RIMS3: variants seen among roughly 807,000 people sequenced by gnomAD.
The protein encoded by RIMS3 is regulating synaptic membrane exocytosis protein 3.
Under a neutral mutation model 29.2 loss-of-function variants are expected in RIMS3, and 15 were observed. The ratio of observed to expected loss-of-function variants is 0.51; its 90% CI spans 0.34 to 0.79. RIMS3 has a LOEUF of 0.79. RIMS3 is among the 30% of genes least tolerant of loss of function. RIMS3 has a pLI of 0.01. For synonymous variants in RIMS3, 161 were observed against 170.1 expected, an observed-to-expected ratio of 0.95 and a Z score of 0.41; for missense variants, 342 against 421.4, an observed-to-expected ratio of 0.81 and a Z score of 1.65.
rs1302496985 is a variant in RIMS3, at chr1:40,620,963, G to GA, written c.*5553dup. ...TCTCTCTCTTTGCAGGATGCATTTG[G>GA]AAAGTCTAAAAAAAGGGGTTCTTGC... On this transcript the variant is annotated 3_prime_UTR_variant, in exon 8 of 8. Transcript: ENST00000372684. The GA allele has an allele frequency of 6.6e-6, 1 of 152,584 alleles. No homozygotes were observed. The highest frequency in any genetic ancestry group is 1.5e-5 in the Non-Finnish European group (1 of 68,038). The allele number at this position is 152,584 out of a possible 1,614,324, so 9.5% of individuals were successfully genotyped here. A position where few individuals can be genotyped will look rare whatever the true frequency, so the allele number is the denominator to read the frequency against.
chr1:40,629,510 C>G (rs892826950), intron 5 of RIMS3, 138 bp from the exon 6 acceptor site: 2 of 714,828 alleles, frequency 2.8e-6, no homozygotes, highest in Non-Finnish European at 5.0e-6. Context: ...CCACATGGGC[C>G]AAAACTGCTC....
At chr1:40,682,515 G>A in the RIMS3 span, among the ~76,000 whole-genome samples, 2 of 151,526 alleles carry the variant, frequency 1.3e-5, no homozygotes, top group Non-Finnish European at 2.9e-5. Flanking sequence ...TTGAGTTCTC[G>A]CTCCCCATGT....
intron 5 of RIMS3, among the ~76,000 whole-genome samples, chr1:40,632,387 C>T (rs1395821123): frequency 4.3e-5 from 6 of 140,710 alleles, no homozygotes; most frequent in African/African-American, 1.0e-4. Flanking sequence ...CTAGGATATA[C>T]GGTTTTCCAT....
Position 40,626,636 on chromosome 1 carries a change from C to T in RIMS3, c.808G>A (p.Val270Ile). The change falls in exon 8 of 8, where the codon GTC becomes ATC. Residue 270 changes from valine to isoleucine, a missense_variant. Val to Ile is a conservative substitution (Grantham distance 29). Transcript: ENST00000372684. Reference protein sequence around the residue: ...MLDELDLSAAVTGWYKLFPTS... With the variant: ...MLDELDLSAAITGWYKLFPTS... ...GGGAAGAGTTTGTACCAGCCGGTGA[C>T]CGCGGCGCTGAGGTCCAGCTCGTCC... 1 of 1,614,228 alleles carries T rather than the reference C, an allele frequency of 6.2e-7. No individual in the cohort carries two copies. The highest frequency in any genetic ancestry group is 8.5e-7 in the Non-Finnish European group (1 of 1,180,042).
At position 40,631,571 on chromosome 1, in the gene RIMS3, C is replaced by T. The variant is rs6690347; in HGVS notation, c.472+1498G>A. On this transcript the variant is annotated intron_variant, in intron 5 of 7. Coordinates refer to ENST00000372684, the MANE Select transcript of RIMS3 (RefSeq NM_014747.3). ...GTGTGCGCCTGTAGTCCCAGCTACT[C>T]GGGAGGCTGAGGCATGAGAATTGCT... is the stretch of plus-strand genomic sequence containing the variant. Among the ~76,000 whole-genome samples the T allele has an allele frequency of 2.2e-3, 341 of 152,168 alleles. 6 individuals carry two copies. The East Asian group carries it at 0.039, about 18-fold the overall frequency.
At chr1:40,630,605 T>C (rs1646483533) in intron 5 of RIMS3, among the ~76,000 whole-genome samples, 1 of 152,178 alleles carries the variant, frequency 6.6e-6, no homozygotes. Flanking sequence ...CTGACCTCCT[T>C]GTGGGGAAGG....
the RIMS3 span, among the ~76,000 whole-genome samples, chr1:40,674,036 A>G: frequency 6.6e-6 from 1 of 152,236 alleles, no homozygotes; most frequent in Non-Finnish European, 1.5e-5. Context: ...TAGAAGATGC[A>G]TAAACAATAA....
chr1:40,684,982 A>G, the RIMS3 span, among the ~76,000 whole-genome samples: 1 of 152,116 alleles, frequency 6.6e-6, no homozygotes, highest in Non-Finnish European at 1.5e-5. Context: ...CAAGCAACAG[A>G]ACTGTGAGAC....
intron 1 of RIMS3, among the ~76,000 whole-genome samples, chr1:40,655,410 A>G (rs1197880395): frequency 3.9e-5 from 6 of 152,166 alleles, no homozygotes; most frequent in Non-Finnish European, 8.8e-5. Flanking sequence ...TACCACATCC[A>G]GACACCTTAT....
chr1:40,641,289 T>C (rs750708752), intron 3 of RIMS3, among the ~76,000 whole-genome samples: 6 of 152,202 alleles, frequency 3.9e-5, no homozygotes, highest in Non-Finnish European at 8.8e-5. Context: ...CTAAATCTTA[T>C]GGATGTGTAT....
At chr1:40,680,303 T>C in the RIMS3 span, among the ~76,000 whole-genome samples, 1 of 151,864 alleles carries the variant, frequency 6.6e-6, no homozygotes, top group Non-Finnish European at 1.5e-5. Context: ...TTTTAAATAT[T>C]TTTTACTGTA....
rs958334569 is a variant in RIMS3 at position 40,636,649 on chromosome 1, G to A, written c.218-592C>T. Among the ~76,000 whole-genome samples the A allele has an allele frequency of 1.3e-5, 2 of 152,170 alleles. No individual in the cohort carries two copies. The highest frequency in any genetic ancestry group is 2.4e-5 in the African/African-American group (1 of 41,432). Reference sequence around the variant, plus strand: ...ATGGAGAGGACGTGTGTGGAGAGCTGGAGAGGCCATTAGGAAAACAAGACA... The same window carrying A: ...ATGGAGAGGACGTGTGTGGAGAGCTAGAGAGGCCATTAGGAAAACAAGACA... On this transcript the variant is annotated intron_variant, in intron 3 of 7. Coordinates refer to ENST00000372684, the MANE Select transcript of RIMS3 (RefSeq NM_014747.3). The surrounding 1 kb of genome is among the most constrained non-coding windows in gnomAD (Gnocchi z 4.2).
intron 3 of RIMS3, among the ~76,000 whole-genome samples, chr1:40,640,897 T>C (rs1401664572): frequency 2.0e-5 from 3 of 152,220 alleles, no homozygotes; most frequent in African/African-American, 4.8e-5. Flanking sequence ...GAGGGCTGTG[T>C]CTGTGTGGTT....
chr1:40,663,055 G>C (rs1338944103), intron 1 of RIMS3, among the ~76,000 whole-genome samples: 1 of 152,140 alleles, frequency 6.6e-6, no homozygotes, highest in Non-Finnish European at 1.5e-5. Context: ...AGCTGGTAAA[G>C]CTCTTCTGTG....
upstream of RIMS3, among the ~76,000 whole-genome samples, chr1:40,667,153 G>T (rs1427302062): frequency 1.3e-5 from 2 of 152,218 alleles, no homozygotes; most frequent in African/African-American, 4.8e-5. Context: ...TCTGTGAGAA[G>T]CATAAACTGA....
intron 3 of RIMS3, among the ~76,000 whole-genome samples, chr1:40,641,031 T>A (rs1646552390): frequency 6.6e-6 from 1 of 152,214 alleles, no homozygotes. Flanking sequence ...AAGTCACACA[T>A]CTTTGTGTGT....
Position 40,636,466 on chromosome 1 carries a change from A to T in RIMS3, c.218-409T>A, listed in dbSNP as rs1322747174. ...TTCTGGAAAGTTCATCTTCTCTGGGATTCTCAGACTGACTTTCCCTCTTTC... is the reference window on the plus strand; with the variant it reads ...TTCTGGAAAGTTCATCTTCTCTGGGTTTCTCAGACTGACTTTCCCTCTTTC... On this transcript the variant is annotated intron_variant, in intron 3 of 7. Transcript: ENST00000372684. The surrounding 1 kb of genome is among the most constrained non-coding windows in gnomAD (Gnocchi z 4.2). Among the ~76,000 whole-genome samples, 1 of 152,058 alleles carries T rather than the reference A, an allele frequency of 6.6e-6. No homozygotes were observed. Among genetic ancestry groups the T allele is most frequent in the African/African-American group, 2.4e-5 (1 of 41,398 alleles).
chr1:40,671,239 G>A, the RIMS3 span, among the ~76,000 whole-genome samples: 2 of 152,166 alleles, frequency 1.3e-5, no homozygotes, highest in Non-Finnish European at 2.9e-5. Flanking sequence ...ATGATGCCTA[G>A]GCCTTGGGGG....
rs1251974702 is a variant in RIMS3 at position 40,622,459 on chromosome 1, C to T, written c.*4058G>A. The T allele has an allele frequency of 6.6e-6, 1 of 152,232 alleles. No homozygotes were observed. Among genetic ancestry groups the T allele is most frequent in the Non-Finnish European group, 1.5e-5 (1 of 68,066 alleles). 9.4% of individuals were successfully genotyped at this position (152,232 alleles called of 1,614,324 possible). ...TCCTCCCTGACTACTCAGTGAAAGA[C>T]AGTCCAGTAGAAGAAGCAGCATTTT... On this transcript the variant is annotated 3_prime_UTR_variant, in exon 8 of 8. Transcript: ENST00000372684.
Sources: allele counts gnomAD v4.1 joint callset (sites outside exome capture counted in the v4.1 genomes callset), GRCh38; gene constraint gnomAD v4.1.1; non-coding constraint Gnocchi (gnomAD v3.1); transcripts MANE v1.5; gene names NCBI Gene and HGNC (gene_info 2026-07-23, HGNC 2026-07-21).